POC1B: variants seen among roughly 807,000 people sequenced by gnomAD.
The protein encoded by POC1B is POC1 centriolar protein B, also known as POC1 centriolar protein homolog B.
A neutral mutation model predicts 60.6 loss-of-function variants in POC1B; 44 were observed. The observed-to-expected ratio is 0.73, with a 90% CI of 0.57 to 0.93. The LOEUF is 0.93. Ranked by LOEUF, POC1B falls within the 40% of genes least tolerant of loss-of-function variation. The probability of loss-of-function intolerance (pLI) is 0.00; values close to 1 mark genes in which losing one functional copy is unlikely to be tolerated. For synonymous variants in POC1B, 180 were observed against 198.9 expected, an observed-to-expected ratio of 0.90 and a Z score of 0.80; for missense variants, 555 against 572.3, an observed-to-expected ratio of 0.97 and a Z score of 0.31.
intron 10 of POC1B, among the ~76,000 whole-genome samples, chr12:89,448,783 G>A (rs969264245): frequency 2.0e-5 from 3 of 152,228 alleles, no homozygotes; most frequent in African/African-American, 2.4e-5. Context: ...TCTTCCTGAT[G>A]AGCATTCTAA....
At chr12:89,474,510 A>G (rs1565740720) in intron 4 of POC1B, among the ~76,000 whole-genome samples, 1 of 152,248 alleles carries the variant, frequency 6.6e-6, no homozygotes, top group Non-Finnish European at 1.5e-5. Context: ...TAGAACGGTT[A>G]TTAACACATT....
intron 10 of POC1B, among the ~76,000 whole-genome samples, chr12:89,433,675 A>G (rs1881134377): frequency 1.3e-5 from 2 of 152,200 alleles, no homozygotes; most frequent in African/African-American, 4.8e-5. Flanking sequence ...CCAAAATGGG[A>G]GGACTAGAAG....
chr12:89,433,138 GA>G (rs1354667194), intron 10 of POC1B, among the ~76,000 whole-genome samples: 1 of 152,156 alleles, frequency 6.6e-6, no homozygotes, highest in Non-Finnish European at 1.5e-5. Flanking sequence ...GCAAAGTGAA[GA>G]AATAAAGACA....
chr12:89,461,048 A>G (rs1272492977), intron 9 of POC1B: 4 of 152,246 alleles, frequency 2.6e-5, no homozygotes, highest in Admixed American at 6.5e-5. Context: ...GGAGTGTCCA[A>G]TCTTTGGCTT....
intron 3 of POC1B, among the ~76,000 whole-genome samples, chr12:89,496,862 G>A (rs1159523377): frequency 5.3e-5 from 8 of 152,148 alleles, no homozygotes; most frequent in African/African-American, 1.9e-4. Context: ...ATACTGATGT[G>A]TATCATTCTG....
intron 2 of POC1B, among the ~76,000 whole-genome samples, chr12:89,516,907 G>A (rs10745505): frequency 0.75 from 114,720 of 151,986 alleles, 43,376 homozygotes; most frequent in Middle Eastern, 0.82. Context: ...AGGACACATC[G>A]CTGGATTTAG....
At chr12:89,461,191 G>A (rs1391720854) in intron 9 of POC1B, 2 of 152,126 alleles carry the variant, frequency 1.3e-5, no homozygotes, top group East Asian at 1.9e-4. Flanking sequence ...ACGAATTTGT[G>A]TTGGGCTGGA....
At chr12:89,509,130 T>C (rs1369504870) in intron 2 of POC1B, among the ~76,000 whole-genome samples, 3 of 152,218 alleles carry the variant, frequency 2.0e-5, no homozygotes, top group Non-Finnish European at 4.4e-5. Context: ...TTAATGAATA[T>C]TTTAAAAATG....
rs990536986 is a variant in POC1B at position 89,420,465 on chromosome 12, T to G, written c.*688A>C. 6.6e-6 allele frequency: 1 copy of G among 152,212 alleles called. No homozygotes were observed. Among genetic ancestry groups the G allele is most frequent in the East Asian group, 1.9e-4 (1 of 5,204 alleles). The allele number at this position is 152,212 out of a possible 1,614,324, so 9.4% of individuals were successfully genotyped here. ...ATCATTCATCTAGCACATTCATCTG[T>G]GATAGAAAGATAGGTGAGTTTCATT... On this transcript the variant is annotated 3_prime_UTR_variant, in exon 12 of 12. Transcript: ENST00000313546.
At chr12:89,486,894 C>T (rs904728831) in intron 4 of POC1B, among the ~76,000 whole-genome samples, 2 of 151,856 alleles carry the variant, frequency 1.3e-5, no homozygotes, top group African/African-American at 4.8e-5. Context: ...CTTTCTCTCT[C>T]TCTCTCTCTC....
intron 11 of POC1B, among the ~76,000 whole-genome samples, chr12:89,421,797 G>A (rs967292161): frequency 4.6e-5 from 7 of 152,258 alleles, no homozygotes; most frequent in African/African-American, 1.4e-4. Context: ...ATATTACCTC[G>A]TGGAGTTGTT....
chr12:89,500,363 A>T, intron 2 of POC1B: 1 of 1,492,664 alleles, frequency 6.7e-7, no homozygotes, highest in Non-Finnish European at 9.3e-7. Flanking sequence ...ACTTTCTTCA[A>T]GGAAGAAAGA....
chr12:89,524,262 G>A, intron 2 of POC1B: 1 of 1,614,006 alleles, frequency 6.2e-7, no homozygotes, highest in South Asian at 1.1e-5. Context: ...ATCTCTCAAT[G>A]AGTTCTTCTT....
intron 9 of POC1B, chr12:89,461,576 A>C (rs1363477149): frequency 6.6e-6 from 1 of 152,220 alleles, no homozygotes; most frequent in African/African-American, 2.4e-5. Context: ...AGTGATGAAG[A>C]CTTGGCCAGT....
intron 2 of POC1B, among the ~76,000 whole-genome samples, chr12:89,507,192 G>T (rs1592636772): frequency 7.1e-6 from 1 of 140,558 alleles, no homozygotes; most frequent in East Asian, 2.2e-4. Flanking sequence ...GCTGAGGTGG[G>T]AGATAGAGGC....
intron 3 of POC1B, 182 bp downstream of exon 3, chr12:89,496,989 A>C: frequency 1.5e-6 from 1 of 646,304 alleles, no homozygotes; most frequent in Non-Finnish European, 2.6e-6. Context: ...GTTTTCAAAA[A>C]GAAGACATAA....
intron 11 of POC1B, among the ~76,000 whole-genome samples, chr12:89,422,796 CACTT>C (rs1164435524): frequency 7.2e-5 from 11 of 152,174 alleles, no homozygotes; most frequent in African/African-American, 1.9e-4. Context: ...AAAGGCATGA[CACTT>C]GCTTGGTATT....
intron 2 of POC1B, chr12:89,522,810 G>A: frequency 6.4e-7 from 1 of 1,572,716 alleles, no homozygotes; most frequent in Non-Finnish European, 8.6e-7. Context: ...GTGCTGTTGT[G>A]CTCTATTTCT....
Position 89,497,174 on chromosome 12 carries a change from T to C in POC1B, c.269A>G (p.Asp90Gly). Residue 90 changes from aspartate to glycine, a missense_variant, in exon 3 of 12, where the codon GAT becomes GGT. Physicochemically the swap from Asp to Gly is moderately conservative, Grantham distance 94. Transcript: ENST00000313546. Reference protein sequence around the residue: ...RDRTVRLWIPDKRGKFSEFKA... With the variant: ...RDRTVRLWIPGKRGKFSEFKA... ...AGTGTTTCTTTGTTTCTCTTACTTATCAGGAATCCAGAGTCTCACGGTTCT... is the reference window on the plus strand; with the variant it reads ...AGTGTTTCTTTGTTTCTCTTACTTACCAGGAATCCAGAGTCTCACGGTTCT... The C allele has an allele frequency of 6.2e-7, 1 of 1,611,588 alleles. No homozygotes were observed. The highest frequency in any genetic ancestry group is 8.5e-7 in the Non-Finnish European group (1 of 1,179,078).
Sources: gnomAD v4.1 joint callset for allele counts (sites outside exome capture counted in the v4.1 genomes callset) on GRCh38, gnomAD v4.1.1 for gene constraint, MANE v1.5 for transcripts, NCBI Gene and HGNC (gene_info 2026-07-23, HGNC 2026-07-21) for gene names.